Variants in MED15 observed in about 807,000 individuals in gnomAD.
MED15 encodes mediator of RNA polymerase II transcription subunit 15.
Under a neutral mutation model 118.7 loss-of-function variants are expected in MED15, and 41 were observed. The ratio of observed to expected loss-of-function variants is 0.35; its 90% CI spans 0.27 to 0.45. The LOEUF (loss-of-function observed/expected upper bound fraction) is 0.45, where lower values mean the gene tolerates loss of function less well. Ranked by LOEUF, MED15 falls within the 20% of genes least tolerant of loss-of-function variation. The probability of loss-of-function intolerance (pLI) is 1.00; values close to 1 mark genes in which losing one functional copy is unlikely to be tolerated. For synonymous variants in MED15, 436 were observed against 413.9 expected (o/e 1.05, Z -0.65); for missense variants, 740 against 1,025.5 (o/e 0.72, Z 3.80).
chr22:20,560,533 G>C (rs1203062394), intron 5 of MED15, among the ~76,000 whole-genome samples: 1 of 152,168 alleles, frequency 6.6e-6, no homozygotes, highest in Non-Finnish European at 1.5e-5. Flanking sequence ...AAAGTGCTGG[G>C]ATTACAGGCA....
intron 2 of MED15, among the ~76,000 whole-genome samples, chr22:20,549,413 G>A (rs2055683459): frequency 6.6e-6 from 1 of 151,954 alleles, no homozygotes. Flanking sequence ...TTCTAGGGGA[G>A]TTGGTGTGCT....
chr22:20,537,994 T>G (rs975371260), intron 2 of MED15, among the ~76,000 whole-genome samples: 1 of 152,276 alleles, frequency 6.6e-6, no homozygotes, highest in African/African-American at 2.4e-5. Flanking sequence ...ATACGTTTGA[T>G]AAGCTTTTTC....
In MED15 at chr22:20,586,642, G is replaced by A. The variant is rs776439071; in HGVS notation, c.2305G>A (p.Val769Ile). The change falls in exon 18 of 18, where the codon GTC (valine) becomes ATC (isoleucine). Residue 769 changes from valine (V) to isoleucine (I), a missense_variant. By Grantham distance (29) the Val-to-Ile change is conservative (BLOSUM62 3). Around this residue, in one of 7 missense-constraint regions of MED15, gnomAD observed 179 missense variants for 259.0 expected, o/e 0.69. Coordinates refer to ENST00000263205, the MANE Select transcript of MED15 (RefSeq NM_001003891.3). Reference sequence around the variant, plus strand: ...GCTGCAGCTCCCGGACAAGCACTCGGTCACCGCCTTGCTCAACACCTGGGC... The same window carrying A: ...GCTGCAGCTCCCGGACAAGCACTCGATCACCGCCTTGCTCAACACCTGGGC... ...RLLQLPDKHS[V>I]TALLNTWAQS... 6.2e-7 allele frequency: 1 copy of A among 1,613,016 alleles called. No homozygotes were observed. Among genetic ancestry groups the A allele is most frequent in the Non-Finnish European group, 8.5e-7 (1 of 1,179,994 alleles).
At chr22:20,555,758 G>A (rs1367096206) in intron 5 of MED15, among the ~76,000 whole-genome samples, 1 of 152,236 alleles carries the variant, frequency 6.6e-6, no homozygotes, top group African/African-American at 2.4e-5. Context: ...GTCTCGCTCT[G>A]TGGGCCACAT....
At chr22:20,515,901 G>A (rs2054237075) in intron 1 of MED15, among the ~76,000 whole-genome samples, 1 of 152,166 alleles carries the variant, frequency 6.6e-6, no homozygotes, top group Admixed American at 6.5e-5. Flanking sequence ...TACTTGGGAG[G>A]CTGAGGTAGG....
chr22:20,586,946 T>G lies in MED15; in HGVS notation c.*242T>G. 1 of 578,804 alleles carries G rather than the reference T, an allele frequency of 1.7e-6. No individual in the cohort carries two copies. Among genetic ancestry groups the G allele is most frequent in the Non-Finnish European group, 3.0e-6 (1 of 331,570 alleles). 35.9% of individuals were successfully genotyped at this position (578,804 alleles called of 1,614,324 possible). A position where few individuals can be genotyped will look rare whatever the true frequency, so the allele number is the denominator to read the frequency against. Reference sequence around the variant, plus strand: ...TCTTAGAGAAGGCCCTCCATGTGACTTCCTCCCAGGAGCCAGATGCGATCC... The same window carrying G: ...TCTTAGAGAAGGCCCTCCATGTGACGTCCTCCCAGGAGCCAGATGCGATCC... On this transcript the variant is annotated 3_prime_UTR_variant, in exon 18 of 18. Coordinates refer to ENST00000263205, the MANE Select transcript of MED15 (RefSeq NM_001003891.3).
At chr22:20,535,118 C>G (rs1043065167) in intron 1 of MED15, among the ~76,000 whole-genome samples, 1 of 152,068 alleles carries the variant, frequency 6.6e-6, no homozygotes, top group African/African-American at 2.4e-5. Context: ...CCACCACACC[C>G]GACTAATTTT....
intron 1 of MED15, among the ~76,000 whole-genome samples, chr22:20,525,860 G>A (rs148077643): frequency 4.0e-5 from 6 of 151,850 alleles, no homozygotes; most frequent in African/African-American, 1.4e-4. Flanking sequence ...AATAGCTATT[G>A]TTCGCTGAGT....
intron 2 of MED15, among the ~76,000 whole-genome samples, chr22:20,550,460 G>C (rs1166717151): frequency 1.3e-5 from 2 of 152,232 alleles, no homozygotes; most frequent in African/African-American, 4.8e-5. Flanking sequence ...AAGTGTCTTT[G>C]TATTTTTACA....
At chr22:20,570,910 A>T (rs1029375868) in intron 8 of MED15, among the ~76,000 whole-genome samples, 1 of 151,452 alleles carries the variant, frequency 6.6e-6, no homozygotes, top group African/African-American at 2.4e-5. Context: ...GACTACAGGC[A>T]TGCGCCACTA....
In MED15 at chr22:20,566,460, TC is replaced by T. The variant is rs1482058621; in HGVS notation, c.691-6del. On this transcript the variant is annotated splice_polypyrimidine_tract_variant and splice_region_variant and intron_variant, in intron 6 of 17. Coordinates refer to ENST00000263205, the MANE Select transcript of MED15 (RefSeq NM_001003891.3). ...TGATAACCGAGTGCTGCTTGTTCTG[TC>T]TCTAGATACAGCAGCAGCAACAGCA... The T allele has an allele frequency of 1.2e-6, 2 of 1,611,196 alleles. No individual in the cohort carries two copies. Among genetic ancestry groups the T allele is most frequent in the Non-Finnish European group, 1.7e-6 (2 of 1,179,892 alleles).
Position 20,523,366 on chromosome 22 carries a change from A to T in MED15, c.69-13751A>T, listed in dbSNP as rs191059099. ...TTGACTTCCTTTTTTTTTAAAAAAA[A>T]AGTTCATTATGGACTTTTTCAAGTG... On this transcript the variant is annotated intron_variant, in intron 1 of 17. Transcript: ENST00000263205. Among the ~76,000 whole-genome samples, 4 of 152,056 alleles carry T rather than the reference A, an allele frequency of 2.6e-5. No homozygotes were observed. In the East Asian group the frequency reaches 7.7e-4, roughly 29 times the overall value.
chr22:20,549,526 C>T (rs944580660), intron 2 of MED15, among the ~76,000 whole-genome samples: 3 of 152,018 alleles, frequency 2.0e-5, no homozygotes, highest in Admixed American at 1.3e-4. Context: ...ATCAGAGGCG[C>T]AGTTTCAGAT....
At chr22:20,580,609 A>G (rs1423667033) in intron 9 of MED15, among the ~76,000 whole-genome samples, 1 of 152,152 alleles carries the variant, frequency 6.6e-6, no homozygotes, top group Non-Finnish European at 1.5e-5. Flanking sequence ...TGGGCTGAGC[A>G]TGGGGCCCAG....
At chr22:20,577,548 C>CAAGG (rs1460260175) in intron 9 of MED15, among the ~76,000 whole-genome samples, 1 of 151,860 alleles carries the variant, frequency 6.6e-6, no homozygotes, top group East Asian at 1.9e-4. Context: ...CCCCCAAAGG[C>CAAGG]AAGGAGGTAA....
rs572044048 is a variant in MED15 at position 20,563,831 on chromosome 22, CCA to C, written c.452-616_452-615del. On this transcript the variant is annotated intron_variant, in intron 5 of 17. Coordinates refer to ENST00000263205, the MANE Select transcript of MED15 (RefSeq NM_001003891.3). ...TCCACTCGGTAGGTTTTAGTGTAAT[CCA>C]CAGAGTTGTGCAGCCATCAGCACAA... is the stretch of plus-strand genomic sequence containing the variant. 2.0e-3 allele frequency among the ~76,000 whole-genome samples: 303 copies of C among 152,292 alleles called. 1 individual carries two copies. Among genetic ancestry groups the C allele is most frequent in the African/African-American group, 6.8e-3 (281 of 41,550 alleles).
At chr22:20,567,057 GGCACCAA>G (rs2056470642) in intron 7 of MED15, among the ~76,000 whole-genome samples, 1 of 152,116 alleles carries the variant, frequency 6.6e-6, no homozygotes, top group African/African-American at 2.4e-5. Context: ...CTGCTACTGG[GGCACCAA>G]GTCGCATTCC....
At chr22:20,538,061 T>G (rs2146450616) in intron 2 of MED15, among the ~76,000 whole-genome samples, 1 of 152,232 alleles carries the variant, frequency 6.6e-6, no homozygotes, top group East Asian at 1.9e-4. Context: ...TCAGTGGTCT[T>G]TAGGATATTC....
intron 2 of MED15, among the ~76,000 whole-genome samples, chr22:20,547,854 C>T (rs1317999583): frequency 1.3e-5 from 2 of 151,772 alleles, no homozygotes; most frequent in Non-Finnish European, 2.9e-5. Context: ...AATAAATTAG[C>T]TGGACATGGT....
Sources: allele counts gnomAD v4.1 joint callset (sites outside exome capture counted in the v4.1 genomes callset), GRCh38; gene constraint gnomAD v4.1.1; regional missense constraint gnomAD v4.1.1; transcripts MANE v1.5; gene names NCBI Gene and HGNC (gene_info 2026-07-23, HGNC 2026-07-21).